SPRY4: variants seen among roughly 807,000 people sequenced by gnomAD.
SPRY4 encodes sprouty RTK signaling antagonist 4.
Under a neutral mutation model 17.0 loss-of-function variants are expected in SPRY4, and 7 were observed. That is an observed-to-expected ratio of 0.41 (90% confidence interval 0.23 to 0.77). The LOEUF is 0.77. Among genes scored for constraint, SPRY4 ranks in the 30% least tolerant of loss-of-function variants. The pLI is 0.32. For synonymous variants in SPRY4, 183 were observed against 174.1 expected (o/e 1.05, Z -0.40); for missense variants, 435 against 419.9 (o/e 1.04, Z -0.31).
chr5:142,312,043 T>G lies in SPRY4; in HGVS notation c.*2166A>C, dbSNP rs1758937736. 1 of 144,534 alleles carries G rather than the reference T, an allele frequency of 6.9e-6. No homozygotes were observed. The highest frequency in any genetic ancestry group is 1.5e-5 in the Non-Finnish European group (1 of 66,306). 9.0% of individuals were successfully genotyped at this position (144,534 alleles called of 1,614,324 possible). A position where few individuals can be genotyped will look rare whatever the true frequency, so the allele number is the denominator to read the frequency against. On this transcript the variant is annotated 3_prime_UTR_variant, in exon 2 of 2. Transcript: ENST00000434127. The stretch of plus-strand genomic sequence containing the variant: ...CACCAAAGTGCAACTTGCCACTGGG[T>G]CAAGTTTCCCATGGAGACAATTTGA...
chr5:142,314,163 G>A lies in SPRY4; in HGVS notation c.*46C>T. 6.4e-7 allele frequency: 1 copy of A among 1,555,888 alleles called. No individual in the cohort carries two copies. Among genetic ancestry groups the A allele is most frequent in the Non-Finnish European group, 8.7e-7 (1 of 1,153,566 alleles). On this transcript the variant is annotated 3_prime_UTR_variant, in exon 2 of 2. Coordinates refer to ENST00000434127, the MANE Select transcript of SPRY4 (RefSeq NM_001127496.3). This position sits in a 1 kb window ranked among gnomAD's most constrained non-coding sequence, Gnocchi z 4.8. ...GCTGCAGTCTTCTTAGATGTCAGAA[G>A]AGAACCAGGTTTCCAGGCAGAGCAC...
At chr5:142,316,605 T>C (rs1561650762) in intron 1 of SPRY4, among the ~76,000 whole-genome samples, 1 of 152,228 alleles carries the variant, frequency 6.6e-6, no homozygotes, top group Non-Finnish European at 1.5e-5. Context: ...GGTGGGGTTT[T>C]AGTAAATGCT....
Position 142,310,722 on chromosome 5 carries a change from C to G in SPRY4, c.*3487G>C, listed in dbSNP as rs758054181. On this transcript the variant is annotated 3_prime_UTR_variant, in exon 2 of 2. Transcript: ENST00000434127. ...TGTAACATGAAACCAAGCTGTGGGA[C>G]AGTAAGAAGAGAAAGCAAGGCAAGA... 3 of 151,940 alleles carry G rather than the reference C, an allele frequency of 2.0e-5. No individual in the cohort carries two copies. The highest frequency in any genetic ancestry group is 2.9e-5 in the Non-Finnish European group (2 of 67,990). 9.4% of individuals were successfully genotyped at this position (151,940 alleles called of 1,614,324 possible).
intron 1 of SPRY4, among the ~76,000 whole-genome samples, chr5:142,322,171 A>G (rs577285013): frequency 3.1e-4 from 47 of 152,280 alleles, no homozygotes; most frequent in African/African-American, 1.1e-3. Flanking sequence ...CAATTCTGGG[A>G]GGATGCAGAT....
intron 1 of SPRY4, chr5:142,319,714 C>T: frequency 6.2e-7 from 1 of 1,607,342 alleles, no homozygotes; most frequent in Non-Finnish European, 8.5e-7. Context: ...AGCCCAGAAC[C>T]AGCCAGTCTG....
chr5:142,311,898 T>C lies in SPRY4; in HGVS notation c.*2311A>G, dbSNP rs1302998589. The stretch of plus-strand genomic sequence containing the variant: ...GTTCAGGAGGCCGTTTGCCAGGAAA[T>C]AGGGTCTTTGTCGGTAGACAGTCAG... On this transcript the variant is annotated 3_prime_UTR_variant, in exon 2 of 2. Transcript: ENST00000434127. The C allele has an allele frequency of 1.3e-5, 2 of 149,156 alleles. No individual in the cohort carries two copies. The highest frequency in any genetic ancestry group is 3.0e-5 in the Non-Finnish European group (2 of 67,644). The allele number at this position is 149,156 out of a possible 1,614,324, so 9.2% of individuals were successfully genotyped here.
intron 1 of SPRY4, among the ~76,000 whole-genome samples, chr5:142,318,711 G>C (rs1759243742): frequency 6.6e-6 from 1 of 152,084 alleles, no homozygotes; most frequent in Non-Finnish European, 1.5e-5. Context: ...GGAAGAGACT[G>C]ATGGCCAATT....
intron 1 of SPRY4, chr5:142,319,821 A>G: frequency 6.3e-7 from 1 of 1,596,114 alleles, no homozygotes. Flanking sequence ...GGCATGTTAA[A>G]TGTCCGCACA....
intron 1 of SPRY4, chr5:142,318,016 A>C (rs770915663): frequency 9.7e-5 from 96 of 985,264 alleles, no homozygotes; most frequent in Non-Finnish European, 1.1e-4. Flanking sequence ...CCACCAGCTC[A>C]GCAAAAACCA....
rs1167667576 is a variant in SPRY4, at chr5:142,314,754, G to T, written c.355C>A (p.Pro119Thr). 1 of 1,605,350 alleles carries T rather than the reference G, an allele frequency of 6.2e-7. No homozygotes were observed. The highest frequency in any genetic ancestry group is 8.5e-7 in the Non-Finnish European group (1 of 1,173,008). The change falls in exon 2 of 2, where the codon CCC becomes ACC. Residue 119 changes from proline (P) to threonine (T), a missense_variant. Transcript: ENST00000434127. This position sits in a 1 kb window ranked among gnomAD's most constrained non-coding sequence, Gnocchi z 4.8. ...QRLLDHMAPP[P>T]VADQASPRAV... Reference sequence around the variant, plus strand: ...CTTGGTGAGGCCTGGTCAGCCACGGGTGGTGGTGCCATGTGGTCTAAGAGC... The same window carrying T: ...CTTGGTGAGGCCTGGTCAGCCACGGTTGGTGGTGCCATGTGGTCTAAGAGC...
intron 1 of SPRY4, chr5:142,319,753 G>A: frequency 1.2e-6 from 2 of 1,612,450 alleles, no homozygotes; most frequent in East Asian, 2.2e-5. Flanking sequence ...CCTGTGGGGA[G>A]GGGGCTGAGC....
Position 142,314,128 on chromosome 5 carries a change from C to G in SPRY4, c.*81G>C. On this transcript the variant is annotated 3_prime_UTR_variant, in exon 2 of 2. Coordinates refer to ENST00000434127, the MANE Select transcript of SPRY4 (RefSeq NM_001127496.3). The surrounding 1 kb of genome is among the most constrained non-coding windows in gnomAD (Gnocchi z 4.8). ...AAGGTCAGCCTCAGGAGGCTAAAACCTCTGACCTTGCTGCAGTCTTCTTAG... is the reference window on the plus strand; with the variant it reads ...AAGGTCAGCCTCAGGAGGCTAAAACGTCTGACCTTGCTGCAGTCTTCTTAG... 6.9e-7 allele frequency: 1 copy of G among 1,457,498 alleles called. No individual in the cohort carries two copies. Among genetic ancestry groups the G allele is most frequent in the Non-Finnish European group, 9.2e-7 (1 of 1,090,804 alleles). 90.3% of individuals were successfully genotyped at this position (1,457,498 alleles called of 1,614,324 possible). A position where few individuals can be genotyped will look rare whatever the true frequency, so the allele number is the denominator to read the frequency against.
chr5:142,316,490 C>G (rs1315603789), intron 1 of SPRY4, among the ~76,000 whole-genome samples: 2 of 151,968 alleles, frequency 1.3e-5, no homozygotes, highest in South Asian at 2.1e-4. Context: ...TGGGAAGATT[C>G]CACCCCAATC....
chr5:142,323,440 A>G (rs1005496995), intron 1 of SPRY4, among the ~76,000 whole-genome samples: 2 of 152,224 alleles, frequency 1.3e-5, no homozygotes, highest in African/African-American at 4.8e-5. Context: ...TCTTTCCAGC[A>G]CTAACCGCGC....
rs1391512139 is a variant in SPRY4, at chr5:142,313,739, T to G, written c.*470A>C. On this transcript the variant is annotated 3_prime_UTR_variant, in exon 2 of 2. Transcript: ENST00000434127. ...GAAGGTATAGAAGACTCCAAGGGTC[T>G]TCTTTAAAGGTACCCTGGTACTCAG... is the stretch of plus-strand genomic sequence containing the variant. The G allele has an allele frequency of 5.9e-6, 1 of 169,836 alleles. No homozygotes were observed. The highest frequency in any genetic ancestry group is 1.3e-5 in the Non-Finnish European group (1 of 77,398). The allele number at this position is 169,836 out of a possible 1,614,324, so 10.5% of individuals were successfully genotyped here. A position where few individuals can be genotyped will look rare whatever the true frequency, so the allele number is the denominator to read the frequency against.
At chr5:142,316,711 T>C (rs1363600624) in intron 1 of SPRY4, among the ~76,000 whole-genome samples, 1 of 152,188 alleles carries the variant, frequency 6.6e-6, no homozygotes, top group Non-Finnish European at 1.5e-5. Flanking sequence ...AGAACCTGTC[T>C]AAAATAAAAA....
In SPRY4 at chr5:142,313,226, C is replaced by G. The variant is rs943675695; in HGVS notation, c.*983G>C. Reference sequence around the variant, plus strand: ...CTTCCTGGGGGTGGCCAAAAGGAAACAAGTTGTTTTATTATTATTTTTTAA... The same window carrying G: ...CTTCCTGGGGGTGGCCAAAAGGAAAGAAGTTGTTTTATTATTATTTTTTAA... On this transcript the variant is annotated 3_prime_UTR_variant, in exon 2 of 2. Coordinates refer to ENST00000434127, the MANE Select transcript of SPRY4 (RefSeq NM_001127496.3). 6.6e-6 allele frequency: 1 copy of G among 152,556 alleles called. No homozygotes were observed. 9.5% of individuals were successfully genotyped at this position (152,556 alleles called of 1,614,324 possible). A position where few individuals can be genotyped will look rare whatever the true frequency, so the allele number is the denominator to read the frequency against.
chr5:142,324,917 G>GCTGTA lies in SPRY4; in HGVS notation c.-126_-122dup, dbSNP rs1488053225. The stretch of plus-strand genomic sequence containing the variant: ...CTGAAGCCGGGGCAGGTTAGCCGCC[G>GCTGTA]CTGTACTCGCAGACGCCGGTCGGAG... On this transcript the variant is annotated 5_prime_UTR_variant, in exon 1 of 2. Coordinates refer to ENST00000434127, the MANE Select transcript of SPRY4 (RefSeq NM_001127496.3). 2 of 152,730 alleles carry GCTGTA rather than the reference G, an allele frequency of 1.3e-5. No homozygotes were observed. The highest frequency in any genetic ancestry group is 2.1e-4 in the South Asian group (1 of 4,836). 9.5% of individuals were successfully genotyped at this position (152,730 alleles called of 1,614,324 possible).
intron 1 of SPRY4, chr5:142,317,699 C>G (rs371276114): frequency 1.0e-6 from 1 of 984,284 alleles, no homozygotes; most frequent in Non-Finnish European, 1.2e-6. Flanking sequence ...ATGGGCAATG[C>G]TCAGAAATTT....
Sources: gnomAD v4.1 joint callset for allele counts (sites outside exome capture counted in the v4.1 genomes callset) on GRCh38, gnomAD v4.1.1 for gene constraint, Gnocchi (gnomAD v3.1) non-coding constraint, MANE v1.5 for transcripts, NCBI Gene and HGNC (gene_info 2026-07-23, HGNC 2026-07-21) for gene names.